Variants in RMDN2 observed in about 807,000 individuals in gnomAD.
RMDN2 encodes the protein regulator of microtubule dynamics protein 2.
Under a neutral mutation model 52.8 loss-of-function variants are expected in RMDN2, and 61 were observed. The ratio of observed to expected loss-of-function variants is 1.16; its 90% CI spans 0.94 to 1.43. The LOEUF (loss-of-function observed/expected upper bound fraction) is 1.43, where lower values mean the gene tolerates loss of function less well. Ranked by LOEUF, RMDN2 falls within the 40% of genes most tolerant of loss-of-function variation. The pLI, the probability that RMDN2 is intolerant of heterozygous loss-of-function variation, is 0.00. For synonymous variants in RMDN2, 180 were observed against 153.1 expected, an observed-to-expected ratio of 1.18 and a Z score of -1.30; for missense variants, 592 against 475.3, an observed-to-expected ratio of 1.25 and a Z score of -2.28.
chr2:37,946,363 A>G (rs1668220517), intron 2 of RMDN2, among the ~76,000 whole-genome samples: 1 of 152,052 alleles, frequency 6.6e-6, no homozygotes, highest in African/African-American at 2.4e-5. Context: ...GGACACTGAC[A>G]CATTTGAGGA....
chr2:38,000,769 G>A (rs1400804764), intron 8 of RMDN2, among the ~76,000 whole-genome samples: 1 of 152,104 alleles, frequency 6.6e-6, no homozygotes, highest in East Asian at 1.9e-4. Flanking sequence ...AGTTGTTTCT[G>A]GTTTGATGCT....
chr2:37,931,690 G>A (rs1666758011), intron 2 of RMDN2, among the ~76,000 whole-genome samples: 1 of 152,210 alleles, frequency 6.6e-6, no homozygotes, highest in Admixed American at 6.5e-5. Context: ...GATAATTATG[G>A]GACTTAATGA....
At chr2:37,993,550 A>G (rs929475890) in intron 7 of RMDN2, among the ~76,000 whole-genome samples, 3 of 152,112 alleles carry the variant, frequency 2.0e-5, no homozygotes, top group Non-Finnish European at 4.4e-5. Flanking sequence ...GGGAACAGCC[A>G]AAGGCCAGAA....
At position 37,981,056 on chromosome 2, in the gene RMDN2, A is replaced by G. The variant is rs139222661; in HGVS notation, c.731-227A>G. Among the ~76,000 whole-genome samples the G allele has an allele frequency of 6.1e-3, 937 of 152,370 alleles. 8 individuals are homozygous for G. Among genetic ancestry groups the G allele is most frequent in the African/African-American group, 0.021 (887 of 41,576 alleles). On this transcript the variant is annotated intron_variant, in intron 4 of 10. Transcript: ENST00000354545. ...TAGTGGGTGTCAAACCTTAGCATAC[A>G]TCAGAATCATTGGAGGCTCATTAAA...
chr2:37,969,298 T>C (rs182754273), intron 2 of RMDN2, among the ~76,000 whole-genome samples: 2 of 152,128 alleles, frequency 1.3e-5, no homozygotes, highest in East Asian at 3.8e-4. Context: ...TATAAATTAA[T>C]GTGGAGCCTT....
At chr2:37,951,528 A>G in intron 2 of RMDN2, 1 of 1,612,372 alleles carries the variant, frequency 6.2e-7, no homozygotes, top group Non-Finnish European at 8.5e-7. Flanking sequence ...TGAAGAAGAC[A>G]CAGGCTTCAC....
intron 10 of RMDN2, among the ~76,000 whole-genome samples, chr2:38,011,577 C>T (rs1558550213): frequency 6.6e-6 from 1 of 152,156 alleles, no homozygotes; most frequent in Non-Finnish European, 1.5e-5. Context: ...CTGTTGCCTT[C>T]TAGGAGCCTA....
chr2:37,943,120 G>A (rs1441737938), intron 2 of RMDN2, among the ~76,000 whole-genome samples: 5 of 152,198 alleles, frequency 3.3e-5, no homozygotes, highest in African/African-American at 4.8e-5. Context: ...AGCCGTTCGC[G>A]TTCTGGGCAT....
At chr2:37,993,439 C>T (rs758977251) in intron 7 of RMDN2, among the ~76,000 whole-genome samples, 4 of 151,846 alleles carry the variant, frequency 2.6e-5, no homozygotes, top group East Asian at 1.9e-4. Flanking sequence ...AATTTTCTGG[C>T]CACACAATAT....
At chr2:38,037,324 C>G (rs1311112146) in intron 10 of RMDN2, among the ~76,000 whole-genome samples, 1 of 152,228 alleles carries the variant, frequency 6.6e-6, no homozygotes. Context: ...TAAATTCTCC[C>G]CAGACTTTTC....
At chr2:37,964,855 C>G (rs1029846247) in intron 2 of RMDN2, among the ~76,000 whole-genome samples, 11 of 151,972 alleles carry the variant, frequency 7.2e-5, no homozygotes, top group African/African-American at 2.7e-4. Flanking sequence ...TTTATTTTTA[C>G]TATTATTGTG....
At chr2:37,943,879 C>T (rs1020172344) in intron 2 of RMDN2, among the ~76,000 whole-genome samples, 3 of 152,080 alleles carry the variant, frequency 2.0e-5, no homozygotes, top group African/African-American at 7.2e-5. Context: ...TTCTACTCCC[C>T]ATATCTTTGC....
At chr2:37,926,257 ATTAAT>A (rs1326017542) in intron 1 of RMDN2, among the ~76,000 whole-genome samples, 5 of 152,226 alleles carry the variant, frequency 3.3e-5, no homozygotes, top group African/African-American at 9.6e-5. Flanking sequence ...AAGCATTATA[ATTAAT>A]TTAGTAAAGC....
intron 2 of RMDN2, among the ~76,000 whole-genome samples, chr2:37,932,092 C>T (rs980112739): frequency 1.3e-5 from 2 of 151,578 alleles, no homozygotes; most frequent in South Asian, 2.1e-4. Context: ...ATTGATCATT[C>T]TTGGGTGTTT....
chr2:37,980,463 C>G (rs1558505260), intron 4 of RMDN2, among the ~76,000 whole-genome samples: 1 of 152,058 alleles, frequency 6.6e-6, no homozygotes, highest in African/African-American at 2.4e-5. Flanking sequence ...ACCACCACGC[C>G]CAGCTAATTT....
chr2:37,954,834 C>G (rs1669252542), intron 2 of RMDN2, among the ~76,000 whole-genome samples: 1 of 152,096 alleles, frequency 6.6e-6, no homozygotes, highest in Non-Finnish European at 1.5e-5. Context: ...AATCCACAAA[C>G]ATGGCATGTC....
intron 2 of RMDN2, among the ~76,000 whole-genome samples, chr2:37,937,812 A>C (rs1433174493): frequency 6.6e-6 from 1 of 152,174 alleles, no homozygotes; most frequent in Non-Finnish European, 1.5e-5. Flanking sequence ...GGTTTTCTAA[A>C]TATACAGTCA....
At chr2:37,931,536 A>G (rs1039767389) in intron 2 of RMDN2, among the ~76,000 whole-genome samples, 1 of 152,252 alleles carries the variant, frequency 6.6e-6, no homozygotes, top group Non-Finnish European at 1.5e-5. Flanking sequence ...CTGCTGAAGG[A>G]GTATAGACCA....
chr2:37,999,521 A>G (rs1032898900), intron 8 of RMDN2, among the ~76,000 whole-genome samples: 2 of 152,186 alleles, frequency 1.3e-5, no homozygotes, highest in African/African-American at 4.8e-5. Context: ...GTTGTTTGTC[A>G]AAGAAAAGAG....
Sources: allele counts gnomAD v4.1 joint callset (sites outside exome capture counted in the v4.1 genomes callset), GRCh38; gene constraint gnomAD v4.1.1; transcripts MANE v1.5; gene names NCBI Gene and HGNC (gene_info 2026-07-23, HGNC 2026-07-21).